TBC1D1: variants seen among roughly 807,000 people sequenced by gnomAD.
The protein encoded by TBC1D1 is TBC1 domain family member 1.
Under a neutral mutation model 125.6 loss-of-function variants are expected in TBC1D1, and 89 were observed. That is an observed-to-expected ratio of 0.71 (90% CI 0.60 to 0.85). The LOEUF (loss-of-function observed/expected upper bound fraction) is 0.85, where lower values mean the gene tolerates loss of function less well. Ranked by LOEUF, TBC1D1 falls within the 40% of genes least tolerant of loss-of-function variation. The probability of loss-of-function intolerance (pLI) is 0.00; values close to 1 mark genes in which losing one functional copy is unlikely to be tolerated. For missense variants in TBC1D1, 1,377 were observed against 1,469.2 expected, an observed-to-expected ratio of 0.94 and a Z score of 1.03; for synonymous variants, 565 against 564.1, an observed-to-expected ratio of 1.00 and a Z score of -0.02.
chr4:38,069,425 A>G (rs1389361492), intron 12 of TBC1D1, among the ~76,000 whole-genome samples: 1 of 152,230 alleles, frequency 6.6e-6, no homozygotes, highest in Non-Finnish European at 1.5e-5. Flanking sequence ...ATGATTGCTT[A>G]GTTGCAAGAA....
intron 2 of TBC1D1, among the ~76,000 whole-genome samples, chr4:37,919,438 G>C (rs572578160): frequency 6.6e-6 from 1 of 151,568 alleles, no homozygotes; most frequent in Admixed American, 6.6e-5. Context: ...TGCCTGCCTG[G>C]GCCTCCCAAA....
In TBC1D1 at chr4:38,095,966, C is replaced by G; in HGVS notation, c.2274C>G (p.Leu758=). 6.2e-7 allele frequency: 1 copy of G among 1,613,584 alleles called. No individual in the cohort carries two copies. Among genetic ancestry groups the G allele is most frequent in the Non-Finnish European group, 8.5e-7 (1 of 1,179,792 alleles). Residue 758 remains leucine, a synonymous_variant, in exon 14 of 20, where the codon CTC becomes CTG. Coordinates refer to ENST00000261439, the MANE Select transcript of TBC1D1 (RefSeq NM_015173.4). Reference sequence around the variant, plus strand: ...ATTTGCTGAACAAGCGCCTGAAGCTCGATTATGAAGAAATTACTCCCTGTC... The same window carrying G: ...ATTTGCTGAACAAGCGCCTGAAGCTGGATTATGAAGAAATTACTCCCTGTC...
intron 2 of TBC1D1, among the ~76,000 whole-genome samples, chr4:37,920,154 C>T (rs28446495): frequency 0.011 from 1,698 of 152,282 alleles, 32 homozygotes; most frequent in African/African-American, 0.039. Context: ...GTCTGTGTGC[C>T]AGGCAGTGTG....
intron 2 of TBC1D1, among the ~76,000 whole-genome samples, chr4:37,987,072 G>A (rs1322037333): frequency 6.6e-6 from 1 of 152,180 alleles, no homozygotes; most frequent in Non-Finnish European, 1.5e-5. Flanking sequence ...TGTGTGTAAT[G>A]GATCTCTTCC....
At chr4:37,960,295 C>A in intron 2 of TBC1D1, 2 of 778,428 alleles carry the variant, frequency 2.6e-6, no homozygotes. Flanking sequence ...TATATGAGTT[C>A]ATGCTAACTC....
rs995351811 is a variant in TBC1D1, at chr4:37,896,022, CA to C, written c.-94+4675del. Among the ~76,000 whole-genome samples, 136 of 152,316 alleles carry C rather than the reference CA, an allele frequency of 8.9e-4. 2 individuals are homozygous for C. The highest frequency in any genetic ancestry group is 2.9e-3 in the African/African-American group (121 of 41,560). On this transcript the variant is annotated intron_variant, in intron 1 of 19. Coordinates refer to ENST00000261439, the MANE Select transcript of TBC1D1 (RefSeq NM_015173.4). ...CTTCAGGTTGCAGTATAATTCTGTT[CA>C]GGTGCATGCTCACTCCATCTGGCGT...
intron 2 of TBC1D1, among the ~76,000 whole-genome samples, chr4:37,918,043 C>G (rs1042520917): frequency 1.3e-5 from 2 of 152,114 alleles, no homozygotes; most frequent in African/African-American, 4.8e-5. Context: ...GCAGAGATTA[C>G]ATTTTAATTA....
chr4:38,091,790 T>G (rs1027042499), intron 13 of TBC1D1, among the ~76,000 whole-genome samples: 5 of 152,358 alleles, frequency 3.3e-5, no homozygotes, highest in African/African-American at 1.2e-4. Context: ...GGCAAGAGTT[T>G]CCTAAGGTTA....
Position 38,014,876 on chromosome 4 carries a change from G to A in TBC1D1, c.785G>A (p.Ser262Asn). 1 of 1,610,402 alleles carries A rather than the reference G, an allele frequency of 6.2e-7. No individual in the cohort carries two copies. Residue 262 changes from serine (S) to asparagine (N), a missense_variant, in exon 3 of 20, where the codon AGC (serine) becomes AAC (asparagine). By Grantham distance (46) the Ser-to-Asn change is conservative (BLOSUM62 1). Coordinates refer to ENST00000261439, the MANE Select transcript of TBC1D1 (RefSeq NM_015173.4). This position sits in a 1 kb window ranked among gnomAD's most constrained non-coding sequence, Gnocchi z 5.1. ...GGCCTCCGAAGCAGCGGCTTCTTCA[G>A]CTCCTTCGAGGAGAGCGACATTGAG...
At chr4:38,017,742 C>G (rs115144027) in intron 3 of TBC1D1, among the ~76,000 whole-genome samples, 4 of 152,282 alleles carry the variant, frequency 2.6e-5, no homozygotes, top group African/African-American at 9.6e-5. Flanking sequence ...GCTTAGCGCT[C>G]CAGAGACGAG....
chr4:38,137,368 A>C lies in TBC1D1; in HGVS notation c.*33A>C. The C allele has an allele frequency of 1.3e-6, 2 of 1,597,890 alleles. 1 individual carries two copies. The highest frequency in any genetic ancestry group is 4.5e-4 in the Middle Eastern group (2 of 4,404). On this transcript the variant is annotated 3_prime_UTR_variant, in exon 20 of 20. Coordinates refer to ENST00000261439, the MANE Select transcript of TBC1D1 (RefSeq NM_015173.4). ...GCAGGAGAGATTGCAACACCATCCC[A>C]CACTGTCCAGGCCTTAACTGAGAGG...
intron 17 of TBC1D1, among the ~76,000 whole-genome samples, chr4:38,122,643 T>C (rs1311994084): frequency 6.6e-6 from 1 of 152,200 alleles, no homozygotes; most frequent in Non-Finnish European, 1.5e-5. Context: ...CTCTGCAGCG[T>C]GTTCTTTGTG....
At position 38,035,569 on chromosome 4, in the gene TBC1D1, TC is replaced by T. The variant is rs1747052654; in HGVS notation, c.1303-18del. ...TTGACGATTAAAAATAAATCCTGTT[TC>T]TGATTTTTGTTTTAAAGAAATTGAG... On this transcript the variant is annotated intron_variant, in intron 7 of 19. Coordinates refer to ENST00000261439, the MANE Select transcript of TBC1D1 (RefSeq NM_015173.4). The T allele has an allele frequency of 1.3e-6, 2 of 1,590,934 alleles. No individual in the cohort carries two copies. The highest frequency in any genetic ancestry group is 1.3e-5 in the African/African-American group (1 of 74,264).
intron 2 of TBC1D1, among the ~76,000 whole-genome samples, chr4:37,917,691 C>A (rs1203486894): frequency 1.3e-5 from 2 of 152,232 alleles, no homozygotes; most frequent in African/African-American, 2.4e-5. Context: ...GCTTCTCTTT[C>A]CCCATGAGAA....
chr4:38,136,425 T>A (rs1364449741), intron 19 of TBC1D1, among the ~76,000 whole-genome samples: 1 of 152,176 alleles, frequency 6.6e-6, no homozygotes, highest in East Asian at 1.9e-4. Flanking sequence ...GGACTCCATA[T>A]GTGTTCCGGG....
chr4:37,909,000 A>G (rs1560464710), intron 2 of TBC1D1, among the ~76,000 whole-genome samples: 1 of 152,216 alleles, frequency 6.6e-6, no homozygotes, highest in Non-Finnish European at 1.5e-5. Context: ...CTTGAAGGTG[A>G]CACATATCTG....
intron 17 of TBC1D1, among the ~76,000 whole-genome samples, chr4:38,123,774 G>C (rs1331789269): frequency 6.6e-6 from 1 of 152,232 alleles, no homozygotes; most frequent in African/African-American, 2.4e-5. Context: ...TAAGGGTTTT[G>C]TGGTGGTTAC....
intron 15 of TBC1D1, among the ~76,000 whole-genome samples, chr4:38,110,979 C>T (rs1246801524): frequency 6.6e-6 from 1 of 152,214 alleles, no homozygotes; most frequent in Admixed American, 6.5e-5. Context: ...AGTAAACAGT[C>T]TTTTGCTCAT....
At position 37,952,090 on chromosome 4, in the gene TBC1D1, C is replaced by T. The variant is rs889093399; in HGVS notation, c.417+49578C>T. 2.0e-5 allele frequency: 14 copies of T among 717,114 alleles called. No homozygotes were observed. The African/African-American group carries it at 2.4e-4, about 13-fold the overall frequency. The allele number at this position is 717,114 out of a possible 1,614,324, so 44.4% of individuals were successfully genotyped here. On this transcript the variant is annotated intron_variant, in intron 2 of 19. Transcript: ENST00000261439. Reference sequence around the variant, plus strand: ...CCCTGCCTGGAAAGCAACAGTGAACCACCAGTGTCAGCAACGTGAAGCTTG... The same window carrying T: ...CCCTGCCTGGAAAGCAACAGTGAACTACCAGTGTCAGCAACGTGAAGCTTG...
Sources: allele counts gnomAD v4.1 joint callset (sites outside exome capture counted in the v4.1 genomes callset), GRCh38; gene constraint gnomAD v4.1.1; non-coding constraint Gnocchi (gnomAD v3.1); transcripts MANE v1.5; gene names NCBI Gene and HGNC (gene_info 2026-07-23, HGNC 2026-07-21).